The following BMP6 variants were observed in gnomAD, a reference collection of about 807,000 sequenced individuals.
BMP6 encodes the protein VG-1-R.
Under a neutral mutation model 54.1 loss-of-function variants are expected in BMP6, and 17 were observed. The observed-to-expected ratio is 0.31, with a 90% CI of 0.22 to 0.47. The LOEUF is 0.47. Among genes scored for constraint, BMP6 ranks in the 20% least tolerant of loss-of-function variants. The probability of loss-of-function intolerance (pLI) is 1.00; values close to 1 mark genes in which losing one functional copy is unlikely to be tolerated. For missense variants in BMP6, 720 were observed against 690.4 expected (o/e 1.04, Z -0.48); for synonymous variants, 328 against 291.2 (o/e 1.13, Z -1.28).
chr6:7,845,063 G>T, intron 1 of BMP6, 77 bp from the exon 2 acceptor site: 1 of 1,336,720 alleles, frequency 7.5e-7, no homozygotes. Flanking sequence ...GAAGTCAAAC[G>T]GGGAAACTGG....
At chr6:7,813,108 A>AAAAAAAAATATATATAT (rs1554122651) in intron 1 of BMP6, among the ~76,000 whole-genome samples, 4 of 21,494 alleles carry the variant, frequency 1.9e-4, no homozygotes, top group Non-Finnish European at 2.3e-4. Context: ...AAAAAAAAAA[A>AAAAAAAAATATATATAT]ATATATATAT....
chr6:7,765,137 T>C (rs1342219042), intron 1 of BMP6, among the ~76,000 whole-genome samples: 1 of 152,228 alleles, frequency 6.6e-6, no homozygotes, highest in Non-Finnish European at 1.5e-5. Context: ...TTCCCGAGAC[T>C]TGTAGGCCTC....
chr6:7,815,267 G>A (rs1360078095), intron 1 of BMP6, among the ~76,000 whole-genome samples: 1 of 152,172 alleles, frequency 6.6e-6, no homozygotes, highest in Non-Finnish European at 1.5e-5. Flanking sequence ...GATGAACTTG[G>A]AGATATTTTT....
chr6:7,805,359 T>G (rs1758332695), intron 1 of BMP6, among the ~76,000 whole-genome samples: 1 of 152,212 alleles, frequency 6.6e-6, no homozygotes. Context: ...TGTGAAGAGA[T>G]CTGTATCTAT....
intron 2 of BMP6, among the ~76,000 whole-genome samples, chr6:7,856,262 CTA>C (rs1759231160): frequency 2.0e-5 from 3 of 151,442 alleles, no homozygotes; most frequent in African/African-American, 7.3e-5. Context: ...GATGCCTTTT[CTA>C]TCTTTCTAAT....
intron 1 of BMP6, among the ~76,000 whole-genome samples, chr6:7,817,504 C>T (rs1581260857): frequency 7.1e-6 from 1 of 141,268 alleles, no homozygotes; most frequent in Non-Finnish European, 1.5e-5. Context: ...TGTTCTCACT[C>T]ATAGGTGGGA....
intron 1 of BMP6, among the ~76,000 whole-genome samples, chr6:7,838,941 CAAAA>C (rs778664842): frequency 6.8e-5 from 4 of 59,130 alleles, no homozygotes; most frequent in Admixed American, 1.7e-4. Context: ...GACTCTGTCT[CAAAA>C]AAAAAAAAAA....
chr6:7,852,361 C>T (rs1759157009), intron 2 of BMP6, among the ~76,000 whole-genome samples: 1 of 152,120 alleles, frequency 6.6e-6, no homozygotes, highest in South Asian at 2.1e-4. Context: ...TTGCCTGAGC[C>T]TAGGAGTTCA....
intron 1 of BMP6, among the ~76,000 whole-genome samples, chr6:7,752,790 C>T (rs1288157667): frequency 6.6e-6 from 1 of 152,058 alleles, no homozygotes; most frequent in East Asian, 1.9e-4. Flanking sequence ...CCTTTCAGAT[C>T]CGTGGATTAT....
At chr6:7,818,560 C>A (rs558669797) in intron 1 of BMP6, among the ~76,000 whole-genome samples, 1 of 152,212 alleles carries the variant, frequency 6.6e-6, no homozygotes, top group African/African-American at 2.4e-5. Flanking sequence ...TGGCCTGGCA[C>A]TTTTAGAGGT....
chr6:7,807,330 G>C (rs1448106861), intron 1 of BMP6, among the ~76,000 whole-genome samples: 4 of 152,106 alleles, frequency 2.6e-5, no homozygotes, highest in African/African-American at 7.2e-5. Flanking sequence ...TTTTGCTCTT[G>C]TTGCCCAGGC....
At position 7,879,737 on chromosome 6, in the gene BMP6, A is replaced by G. The variant is rs565446557; in HGVS notation, c.1282-254A>G. On this transcript the variant is annotated intron_variant, in intron 5 of 6. Transcript: ENST00000283147. The stretch of plus-strand genomic sequence containing the variant: ...TGGGTCCAAGCACATATTGCTGGCA[A>G]CCTACGTGCTTCCAGGTAGCAGCTG... Among the ~76,000 whole-genome samples, 77 of 152,280 alleles carry G rather than the reference A, an allele frequency of 5.1e-4. 2 individuals are homozygous for G. In the South Asian group the frequency reaches 0.016, roughly 31 times the overall value.
chr6:7,831,941 A>T (rs959208729), intron 1 of BMP6, among the ~76,000 whole-genome samples: 1 of 152,226 alleles, frequency 6.6e-6, no homozygotes, highest in African/African-American at 2.4e-5. Context: ...TTCAACACAC[A>T]TTCTTGGGCA....
intron 1 of BMP6, among the ~76,000 whole-genome samples, chr6:7,752,285 A>G (rs769888750): frequency 1.3e-5 from 2 of 152,212 alleles, no homozygotes; most frequent in Non-Finnish European, 2.9e-5. Context: ...TGGCTGGCTC[A>G]TGAGCTGTAG....
intron 1 of BMP6, among the ~76,000 whole-genome samples, chr6:7,728,287 C>T (rs758508692): frequency 6.6e-6 from 1 of 152,206 alleles, no homozygotes; most frequent in Admixed American, 6.5e-5. Flanking sequence ...TCCTGTGCCC[C>T]GGCTCACATG....
At chr6:7,727,715 G>C in intron 1 of BMP6, 96 bp downstream of exon 1, 1 of 1,340,634 alleles carries the variant, frequency 7.5e-7, no homozygotes, top group Non-Finnish European at 9.6e-7. Context: ...AGCTCCCGGC[G>C]CGCGGGTCCC....
intron 1 of BMP6, among the ~76,000 whole-genome samples, chr6:7,735,852 A>G (rs1339344834): frequency 1.3e-5 from 2 of 152,236 alleles, no homozygotes; most frequent in Non-Finnish European, 2.9e-5. Flanking sequence ...CTATAGTATC[A>G]TGCCGAGGAG....
chr6:7,860,853 C>T (rs531215004), intron 2 of BMP6, among the ~76,000 whole-genome samples: 4 of 152,188 alleles, frequency 2.6e-5, no homozygotes, highest in African/African-American at 9.6e-5. Flanking sequence ...AATTTCAAAA[C>T]AAGAAAAAAT....
intron 1 of BMP6, among the ~76,000 whole-genome samples, chr6:7,731,357 CT>C (rs1761854450): frequency 1.3e-5 from 2 of 152,200 alleles, no homozygotes; most frequent in Admixed American, 6.5e-5. Flanking sequence ...GAGACCTTCT[CT>C]GCCACTCTAT....
Sources: allele counts gnomAD v4.1 joint callset (sites outside exome capture counted in the v4.1 genomes callset), GRCh38; gene constraint gnomAD v4.1.1; transcripts MANE v1.5; gene names NCBI Gene and HGNC (gene_info 2026-07-23, HGNC 2026-07-21).